Variants in ARHGAP24 observed in about 807,000 individuals in gnomAD.
ARHGAP24 encodes Rho GTPase activating protein 24.
ARHGAP24 carries 50 observed loss-of-function variants against 76.4 expected under a neutral mutation model. That is an observed-to-expected ratio of 0.65 (90% CI 0.52 to 0.83). The LOEUF (loss-of-function observed/expected upper bound fraction) is 0.83, where lower values mean the gene tolerates loss of function less well. ARHGAP24 is among the 40% of genes least tolerant of loss of function. The pLI, the probability that ARHGAP24 is intolerant of heterozygous loss-of-function variation, is 0.00. For synonymous variants in ARHGAP24, 345 were observed against 323.3 expected (o/e 1.07, Z -0.72); for missense variants, 930 against 914.2 (o/e 1.02, Z -0.22).
At chr4:85,730,178 A>T (rs1373737070) in intron 3 of ARHGAP24, among the ~76,000 whole-genome samples, 2 of 152,224 alleles carry the variant, frequency 1.3e-5, no homozygotes, top group African/African-American at 4.8e-5. Flanking sequence ...ATCTCAGTTC[A>T]TTTGGAATTC....
chr4:85,868,114 C>T (rs945295198), intron 3 of ARHGAP24, among the ~76,000 whole-genome samples: 1 of 151,926 alleles, frequency 6.6e-6, no homozygotes, highest in Non-Finnish European at 1.5e-5. Context: ...GTGAGGTATA[C>T]ATTAGTTCCG....
chr4:85,751,370 C>T (rs1726258780), intron 3 of ARHGAP24, among the ~76,000 whole-genome samples: 1 of 152,040 alleles, frequency 6.6e-6, no homozygotes, highest in Admixed American at 6.5e-5. Flanking sequence ...CCTGCAATAT[C>T]TTATAAATGT....
At chr4:85,648,109 G>GA (rs1382362890) in intron 2 of ARHGAP24, among the ~76,000 whole-genome samples, 1 of 152,116 alleles carries the variant, frequency 6.6e-6, no homozygotes, top group Non-Finnish European at 1.5e-5. Flanking sequence ...CCTGTTGTAG[G>GA]AAATGTGTAC....
chr4:85,973,830 A>ATTTTTTT (rs1578452367), intron 6 of ARHGAP24, among the ~76,000 whole-genome samples: 3 of 36,964 alleles, frequency 8.1e-5, no homozygotes, highest in Non-Finnish European at 9.1e-5. Flanking sequence ...ACTGCTGCCT[A>ATTTTTTT]TTGTTTTTTT....
intron 3 of ARHGAP24, among the ~76,000 whole-genome samples, chr4:85,911,904 A>G (rs554054818): frequency 3.9e-5 from 6 of 152,320 alleles, no homozygotes; most frequent in African/African-American, 7.2e-5. Context: ...CATTCTTTAT[A>G]AGAACTTCTA....
At chr4:85,838,454 C>A (rs1002590142) in intron 3 of ARHGAP24, among the ~76,000 whole-genome samples, 5 of 152,108 alleles carry the variant, frequency 3.3e-5, no homozygotes, top group African/African-American at 1.2e-4. Flanking sequence ...AAGCAATTAG[C>A]CAGTCATGGT....
At chr4:85,785,380 A>G (rs1727786475) in intron 3 of ARHGAP24, among the ~76,000 whole-genome samples, 1 of 152,192 alleles carries the variant, frequency 6.6e-6, no homozygotes, top group African/African-American at 2.4e-5. Flanking sequence ...GATAATACCA[A>G]TGGTCTTGGC....
rs138867083 is a variant in ARHGAP24, at chr4:85,549,302, C to A, written c.-20-21220C>A. 9.2e-4 allele frequency among the ~76,000 whole-genome samples: 138 copies of A among 149,668 alleles called. 1 individual carries two copies. The highest frequency in any genetic ancestry group is 3.3e-3 in the African/African-American group (134 of 40,980). ...TATGAACATTCTAGTTATTTCATAT[C>A]CTCATCAACATTTGGTATTGTCAGT... is the stretch of plus-strand genomic sequence containing the variant. On this transcript the variant is annotated intron_variant, in intron 1 of 9. Coordinates refer to ENST00000395184, the MANE Select transcript of ARHGAP24 (RefSeq NM_001025616.3).
At chr4:85,962,017 A>C (rs752998688) in intron 5 of ARHGAP24, among the ~76,000 whole-genome samples, 6 of 152,146 alleles carry the variant, frequency 3.9e-5, no homozygotes, top group Non-Finnish European at 8.8e-5. Flanking sequence ...TGGTGAAGTA[A>C]CTAAGTACAG....
intron 3 of ARHGAP24, among the ~76,000 whole-genome samples, chr4:85,872,859 C>T (rs1211371316): frequency 6.6e-6 from 1 of 151,978 alleles, no homozygotes; most frequent in Non-Finnish European, 1.5e-5. Context: ...GCCTCAGCCT[C>T]CCTAAGTGCT....
intron 2 of ARHGAP24, among the ~76,000 whole-genome samples, chr4:85,695,653 A>G (rs1723839945): frequency 6.6e-6 from 1 of 152,196 alleles, no homozygotes; most frequent in Non-Finnish European, 1.5e-5. Context: ...TAAATAACTC[A>G]CACCTAAGTC....
rs113491687 is a variant in ARHGAP24 at position 85,522,856 on chromosome 4, C to A, written c.-21+47297C>A. ...TATACGATAACATGATTTGCCCCCA[C>A]TTCAAGGCCCACTTAGAGGTATGTA... On this transcript the variant is annotated intron_variant, in intron 1 of 9. Coordinates refer to ENST00000395184, the MANE Select transcript of ARHGAP24 (RefSeq NM_001025616.3). Among the ~76,000 whole-genome samples, 1,484 of 152,312 alleles carry A rather than the reference C, an allele frequency of 9.7e-3. 14 individuals are homozygous for A. Among genetic ancestry groups the A allele is most frequent in the East Asian group, 0.019 (96 of 5,178 alleles).
intron 1 of ARHGAP24, among the ~76,000 whole-genome samples, chr4:85,512,576 C>T (rs552288985): frequency 3.8e-4 from 58 of 152,234 alleles, no homozygotes; most frequent in African/African-American, 1.1e-3. Flanking sequence ...AATACTGAAT[C>T]GACCAGGTCT....
intron 1 of ARHGAP24, among the ~76,000 whole-genome samples, chr4:85,478,567 TCTAA>T (rs1722691353): frequency 6.6e-6 from 1 of 152,258 alleles, no homozygotes; most frequent in South Asian, 2.1e-4. Context: ...CAAAGTCAGA[TCTAA>T]CTGTGTAAGT....
At chr4:85,744,564 A>G (rs531649807) in intron 3 of ARHGAP24, among the ~76,000 whole-genome samples, 1 of 152,294 alleles carries the variant, frequency 6.6e-6, no homozygotes, top group African/African-American at 2.4e-5. Flanking sequence ...AAGGAGAGAG[A>G]AAAGACACAC....
chr4:85,882,087 A>G (rs1247246939), intron 3 of ARHGAP24, among the ~76,000 whole-genome samples: 2 of 152,184 alleles, frequency 1.3e-5, no homozygotes, highest in East Asian at 3.9e-4. Context: ...CAGGGATTGT[A>G]TTCAATGAAG....
At chr4:85,806,270 T>C (rs1728788211) in intron 3 of ARHGAP24, among the ~76,000 whole-genome samples, 1 of 152,210 alleles carries the variant, frequency 6.6e-6, no homozygotes, top group South Asian at 2.1e-4. Flanking sequence ...GAAGGGATGC[T>C]TGAACTGGAT....
At chr4:85,963,022 TTA>T (rs1423219145) in intron 5 of ARHGAP24, among the ~76,000 whole-genome samples, 1 of 152,018 alleles carries the variant, frequency 6.6e-6, no homozygotes, top group Non-Finnish European at 1.5e-5. Context: ...GTATGTACAT[TTA>T]TGTGTGTGTA....
At chr4:85,733,524 G>A (rs748314056) in intron 3 of ARHGAP24, among the ~76,000 whole-genome samples, 2 of 152,198 alleles carry the variant, frequency 1.3e-5, no homozygotes, top group Non-Finnish European at 2.9e-5. Flanking sequence ...AGAAAGGGGA[G>A]TGAGTAGAAA....
Sources: gnomAD v4.1 joint callset for allele counts (sites outside exome capture counted in the v4.1 genomes callset) on GRCh38, gnomAD v4.1.1 for gene constraint, MANE v1.5 for transcripts, NCBI Gene and HGNC (gene_info 2026-07-23, HGNC 2026-07-21) for gene names.